Variants in GPC6 observed in about 807,000 individuals in gnomAD.
GPC6 encodes the protein glypican 6, also known as glypican-6.
A neutral mutation model predicts 55.2 loss-of-function variants in GPC6; 14 were observed. The ratio of observed to expected loss-of-function variants is 0.25; its 90% CI spans 0.17 to 0.40. The LOEUF is 0.40. GPC6 is among the 10% of genes least tolerant of loss of function. GPC6 has a pLI of 1.00. For synonymous variants in GPC6, 278 were observed against 259.6 expected (o/e 1.07, Z -0.68); for missense variants, 641 against 708.5 (o/e 0.90, Z 1.08).
intron 3 of GPC6, among the ~76,000 whole-genome samples, chr13:93,912,175 A>G (rs1309307446): frequency 1.3e-5 from 2 of 152,196 alleles, no homozygotes; most frequent in East Asian, 3.9e-4. Context: ...ATATTCTACC[A>G]TTATTCTTTA....
At chr13:93,499,503 C>T (rs570008266) in intron 1 of GPC6, among the ~76,000 whole-genome samples, 15 of 152,154 alleles carry the variant, frequency 9.9e-5, no homozygotes, top group South Asian at 2.1e-4. Flanking sequence ...TGTCCTGGAA[C>T]GGGACTGAGT....
intron 2 of GPC6, among the ~76,000 whole-genome samples, chr13:93,552,661 T>C (rs1003085264): frequency 6.6e-6 from 1 of 152,144 alleles, no homozygotes; most frequent in African/African-American, 2.4e-5. Flanking sequence ...CCCAGTGTGG[T>C]TGTAATATTA....
intron 3 of GPC6, among the ~76,000 whole-genome samples, chr13:93,908,766 G>C (rs1437740245): frequency 6.6e-6 from 1 of 152,174 alleles, no homozygotes; most frequent in Non-Finnish European, 1.5e-5. Context: ...CTTTCTTACT[G>C]TTTCTTGAAC....
intron 4 of GPC6, among the ~76,000 whole-genome samples, chr13:94,241,031 G>T (rs1233019171): frequency 6.6e-6 from 1 of 152,162 alleles, no homozygotes; most frequent in East Asian, 1.9e-4. Context: ...CCCATGGGAT[G>T]GTATTAGAAG....
intron 4 of GPC6, among the ~76,000 whole-genome samples, chr13:94,156,675 G>A (rs1437231816): frequency 6.6e-6 from 1 of 152,216 alleles, no homozygotes; most frequent in African/African-American, 2.4e-5. Context: ...ACAGGGCTCA[G>A]TGTCATACCA....
At chr13:93,476,674 A>C (rs1478507319) in intron 1 of GPC6, among the ~76,000 whole-genome samples, 1 of 152,042 alleles carries the variant, frequency 6.6e-6, no homozygotes, top group African/African-American at 2.4e-5. Flanking sequence ...AGTAGAAGTA[A>C]TTTTTCAAGG....
rs146934803 is a variant in GPC6, at chr13:94,150,386, A to G, written c.877+122492A>G. On this transcript the variant is annotated intron_variant, in intron 4 of 8. Coordinates refer to ENST00000377047, the MANE Select transcript of GPC6 (RefSeq NM_005708.5). ...AGCATTTGCTGTCACAAATCTGACCATCTTTCTCTTTAGTTAGCTTTGAAG... is the reference window on the plus strand; with the variant it reads ...AGCATTTGCTGTCACAAATCTGACCGTCTTTCTCTTTAGTTAGCTTTGAAG... Among the ~76,000 whole-genome samples the G allele has an allele frequency of 4.6e-3, 699 of 152,060 alleles. 4 individuals are homozygous for G. The highest frequency in any genetic ancestry group is 0.014 in the African/African-American group (583 of 41,492).
At chr13:93,468,216 C>G (rs767570274) in intron 1 of GPC6, among the ~76,000 whole-genome samples, 1 of 151,654 alleles carries the variant, frequency 6.6e-6, no homozygotes, top group African/African-American at 2.4e-5. Flanking sequence ...TCTTCAATTA[C>G]TGGTCTTGAT....
chr13:93,452,957 A>G (rs1878284515), intron 1 of GPC6, among the ~76,000 whole-genome samples: 3 of 152,358 alleles, frequency 2.0e-5, no homozygotes, highest in South Asian at 2.1e-4. Flanking sequence ...CTTTCCCTCC[A>G]GCATGACATA....
At chr13:93,951,145 T>A (rs1014219372) in intron 3 of GPC6, among the ~76,000 whole-genome samples, 1 of 152,156 alleles carries the variant, frequency 6.6e-6, no homozygotes, top group Admixed American at 6.5e-5. Context: ...TAGTAAGATG[T>A]CTATGTTCCT....
intron 1 of GPC6, among the ~76,000 whole-genome samples, chr13:93,527,884 A>C (rs1449894832): frequency 6.6e-6 from 1 of 152,166 alleles, no homozygotes; most frequent in Admixed American, 6.6e-5. Flanking sequence ...CAATTAAAGA[A>C]ATATACACTT....
At position 93,445,476 on chromosome 13, in the gene GPC6, G is replaced by A. The variant is rs561404200; in HGVS notation, c.161-99787G>A. ...AACTCAGTTCTGATGTTTTCAAAGTGAACCACAATTCAAATCAGTATTCAA... is the reference window on the plus strand; with the variant it reads ...AACTCAGTTCTGATGTTTTCAAAGTAAACCACAATTCAAATCAGTATTCAA... On this transcript the variant is annotated intron_variant, in intron 1 of 8. Coordinates refer to ENST00000377047, the MANE Select transcript of GPC6 (RefSeq NM_005708.5). Among the ~76,000 whole-genome samples the A allele has an allele frequency of 5.3e-5, 8 of 152,294 alleles. No homozygotes were observed. In the South Asian group the frequency reaches 1.7e-3, roughly 32 times the overall value.
chr13:94,004,194 G>A (rs1415737), intron 3 of GPC6, among the ~76,000 whole-genome samples: 118,059 of 151,930 alleles, frequency 0.78, 46,552 homozygotes, highest in Middle Eastern at 0.86. Context: ...GGAAATTTTT[G>A]TCTATACCAC....
chr13:94,126,970 A>G (rs1333256), intron 4 of GPC6, among the ~76,000 whole-genome samples: 52,413 of 151,968 alleles, frequency 0.34, 10,444 homozygotes, highest in Non-Finnish European at 0.46. Flanking sequence ...TATTTTATTC[A>G]CTTTTGATTT....
intron 8 of GPC6, among the ~76,000 whole-genome samples, chr13:94,401,944 TGATA>T (rs200622525): frequency 5.3e-4 from 80 of 149,852 alleles, no homozygotes; most frequent in East Asian, 2.3e-3. Flanking sequence ...ATTGATTGAT[TGATA>T]GATAGATAGA....
At chr13:93,254,761 C>T (rs1397758025) in intron 1 of GPC6, among the ~76,000 whole-genome samples, 1 of 151,906 alleles carries the variant, frequency 6.6e-6, no homozygotes, top group Non-Finnish European at 1.5e-5. Context: ...CAGAAAAATT[C>T]ATCCTTTAAA....
At chr13:93,975,923 G>A (rs1006062001) in intron 3 of GPC6, among the ~76,000 whole-genome samples, 4 of 152,106 alleles carry the variant, frequency 2.6e-5, no homozygotes, top group African/African-American at 9.7e-5. Flanking sequence ...GCCTCCTGTA[G>A]CCATCATAAT....
intron 4 of GPC6, among the ~76,000 whole-genome samples, chr13:94,229,009 A>G (rs1890641609): frequency 6.6e-6 from 1 of 152,202 alleles, no homozygotes; most frequent in African/African-American, 2.4e-5. Context: ...GTGAAACACT[A>G]TCATATCTGG....
chr13:93,318,444 A>G lies in GPC6; in HGVS notation c.160+90828A>G, dbSNP rs998106882. 6.6e-5 allele frequency among the ~76,000 whole-genome samples: 10 copies of G among 152,160 alleles called. No individual in the cohort carries two copies. The East Asian group carries it at 1.3e-3, about 21-fold the overall frequency. ...GAATAACATGTTTTCTAACATAGAA[A>G]AAAGAATATTGAGACTCCAGTTCAA... On this transcript the variant is annotated intron_variant, in intron 1 of 8. Transcript: ENST00000377047.
Sources: allele counts gnomAD v4.1 joint callset (sites outside exome capture counted in the v4.1 genomes callset), GRCh38; gene constraint gnomAD v4.1.1; transcripts MANE v1.5; gene names NCBI Gene and HGNC (gene_info 2026-07-23, HGNC 2026-07-21).